Variants in KLF12 observed in about 807,000 individuals in gnomAD.
KLF12 encodes Krueppel-like factor 12.
In KLF12, 9 loss-of-function variants were observed where a neutral mutation model predicts 37.8. The observed-to-expected ratio is 0.24, with a 90% CI of 0.14 to 0.42. The LOEUF (loss-of-function observed/expected upper bound fraction) is 0.42. KLF12 is among the 10% of genes least tolerant of loss of function. The pLI is 1.00. For missense variants in KLF12, 411 were observed against 516.0 expected, an observed-to-expected ratio of 0.80 and a Z score of 1.97; for synonymous variants, 208 against 202.1, an observed-to-expected ratio of 1.03 and a Z score of -0.25.
intron 3 of KLF12, among the ~76,000 whole-genome samples, chr13:73,910,972 C>T (rs925424941): frequency 6.6e-6 from 1 of 152,136 alleles, no homozygotes; most frequent in Non-Finnish European, 1.5e-5. Context: ...TGCAGAAAGT[C>T]CCCACCAGCA....
intron 4 of KLF12, among the ~76,000 whole-genome samples, chr13:73,820,752 A>G (rs1317242105): frequency 6.6e-6 from 1 of 152,218 alleles, no homozygotes; most frequent in Non-Finnish European, 1.5e-5. Context: ...TTATATTAAA[A>G]AATAACCTCA....
chr13:73,976,254 A>ATTT (rs1891519399), intron 2 of KLF12, among the ~76,000 whole-genome samples: 1 of 152,102 alleles, frequency 6.6e-6, no homozygotes, highest in Non-Finnish European at 1.5e-5. Context: ...AACTCTCAAT[A>ATTT]CACTCTTGAA....
chr13:74,297,035 T>TG, the KLF12 span, among the ~76,000 whole-genome samples: 4 of 149,360 alleles, frequency 2.7e-5, no homozygotes, highest in Non-Finnish European at 3.0e-5. Flanking sequence ...AAAGTTCTCA[T>TG]GGGGGGGACT....
intron 7 of KLF12, among the ~76,000 whole-genome samples, chr13:73,697,584 C>G (rs772890463): frequency 2.6e-5 from 4 of 152,124 alleles, no homozygotes; most frequent in African/African-American, 4.8e-5. Flanking sequence ...TACATGTCAT[C>G]TCTACATGTT....
intron 2 of KLF12, among the ~76,000 whole-genome samples, chr13:73,958,075 T>C (rs1459221022): frequency 6.6e-6 from 1 of 152,200 alleles, no homozygotes; most frequent in African/African-American, 2.4e-5. Flanking sequence ...TAGCCACTTG[T>C]TGCAACTACT....
chr13:73,711,380 A>G (rs1400088597), intron 7 of KLF12, among the ~76,000 whole-genome samples: 4 of 152,220 alleles, frequency 2.6e-5, no homozygotes. Flanking sequence ...GGAGAAGTCA[A>G]TGCCTAGCTT....
intron 6 of KLF12, among the ~76,000 whole-genome samples, chr13:73,759,471 G>A (rs1050395687): frequency 2.0e-5 from 3 of 152,110 alleles, no homozygotes; most frequent in Non-Finnish European, 4.4e-5. Flanking sequence ...CTGGTGTGAG[G>A]AGCAACGTCT....
At chr13:74,094,597 T>A (rs572938931) in intron 1 of KLF12, among the ~76,000 whole-genome samples, 2 of 149,678 alleles carry the variant, frequency 1.3e-5, no homozygotes, top group South Asian at 2.1e-4. Context: ...AGCTTTTCTA[T>A]CTTTTCTTTT....
At chr13:73,807,912 T>G (rs1325857647) in intron 5 of KLF12, among the ~76,000 whole-genome samples, 3 of 152,054 alleles carry the variant, frequency 2.0e-5, no homozygotes, top group Non-Finnish European at 4.4e-5. Flanking sequence ...TTAGGTCGAG[T>G]TTGGTGGAAC....
intron 3 of KLF12, among the ~76,000 whole-genome samples, chr13:73,928,224 G>A (rs924319880): frequency 9.9e-5 from 15 of 152,182 alleles, no homozygotes; most frequent in African/African-American, 2.7e-4. Context: ...ACTGAAAACC[G>A]TAAACTATAT....
intron 1 of KLF12, among the ~76,000 whole-genome samples, chr13:74,100,168 A>C (rs1593899453): frequency 6.6e-6 from 1 of 152,184 alleles, no homozygotes; most frequent in Non-Finnish European, 1.5e-5. Flanking sequence ...AAAATAAGTA[A>C]AATGATTAAG....
the KLF12 span, among the ~76,000 whole-genome samples, chr13:74,140,070 A>G: frequency 5.9e-5 from 9 of 152,178 alleles, no homozygotes; most frequent in African/African-American, 1.7e-4. Context: ...AATTTTTGCA[A>G]TTGTATTTAC....
intron 6 of KLF12, among the ~76,000 whole-genome samples, chr13:73,734,577 G>C (rs895674271): frequency 7.3e-5 from 11 of 151,048 alleles, no homozygotes; most frequent in African/African-American, 2.7e-4. Flanking sequence ...AAGATTCTTT[G>C]ATATCTGAAA....
rs1350897654 is a variant in KLF12, at chr13:73,806,819, ACAGTT to A, written c.806+6328_806+6332del. ...TCTGCCAAAAAGTTGCCTCTTAGTA[ACAGTT>A]CTTGTTTTCCCTTTATTACTCATCT... On this transcript the variant is annotated intron_variant, in intron 5 of 7. Transcript: ENST00000377669. Among the ~76,000 whole-genome samples, 3 of 152,108 alleles carry A rather than the reference ACAGTT, an allele frequency of 2.0e-5. No individual in the cohort carries two copies. In the East Asian group the frequency reaches 5.8e-4, roughly 29 times the overall value.
the KLF12 span, among the ~76,000 whole-genome samples, chr13:74,169,363 T>C: frequency 6.6e-6 from 1 of 152,250 alleles, no homozygotes; most frequent in Non-Finnish European, 1.5e-5. Context: ...CTCATTTTTG[T>C]AGTTATTTTA....
At chr13:73,934,506 T>C (rs563552440) in intron 3 of KLF12, among the ~76,000 whole-genome samples, 25 of 152,344 alleles carry the variant, frequency 1.6e-4, no homozygotes, top group African/African-American at 5.5e-4. Context: ...TCATTTCCTG[T>C]ATAAATCTAA....
chr13:74,141,992 A>G, the KLF12 span, among the ~76,000 whole-genome samples: 4 of 152,170 alleles, frequency 2.6e-5, no homozygotes, highest in Non-Finnish European at 5.9e-5. Context: ...AGAAAAATAT[A>G]CCATTGGCTT....
the KLF12 span, among the ~76,000 whole-genome samples, chr13:74,288,071 G>C: frequency 4.8e-4 from 53 of 109,732 alleles, no homozygotes; most frequent in Non-Finnish European, 1.0e-3. Context: ...TGGTTTGAAG[G>C]GGGGAAGGAA....
At chr13:73,817,334 G>GAAAAGA (rs762237052) in intron 4 of KLF12, among the ~76,000 whole-genome samples, 1 of 84,650 alleles carries the variant, frequency 1.2e-5, no homozygotes, top group Non-Finnish European at 2.6e-5. Context: ...AAAAAGAAAA[G>GAAAAGA]AAAAAAAAGA....
Sources: allele counts gnomAD v4.1 joint callset (sites outside exome capture counted in the v4.1 genomes callset), GRCh38; gene constraint gnomAD v4.1.1; transcripts MANE v1.5; gene names NCBI Gene and HGNC (gene_info 2026-07-23, HGNC 2026-07-21).